Variants in MTM1 observed in about 807,000 individuals in gnomAD.
MTM1 encodes the protein myotubularin 1.
MTM1 carries 9 observed loss-of-function variants against 52.1 expected under a neutral mutation model. That is an observed-to-expected ratio of 0.17 (90% confidence interval 0.10 to 0.30). MTM1 has a LOEUF of 0.30. Ranked by LOEUF, MTM1 falls within the 10% of genes least tolerant of loss-of-function variation. MTM1 has a pLI of 1.00. For missense variants in MTM1, 277 were observed against 470.7 expected (o/e 0.59, Z 3.81); for synonymous variants, 136 against 163.8 (o/e 0.83, Z 1.29).
intron 4 of MTM1, among the ~76,000 whole-genome samples, chrX:150,607,409 CA>C (rs2039188224): frequency 1.8e-5 from 2 of 111,943 alleles, no homozygotes; most frequent in South Asian, 7.4e-4. Flanking sequence ...ATGCTGCTTC[CA>C]CTTCCGTACT....
intron 1 of MTM1, among the ~76,000 whole-genome samples, chrX:150,581,096 G>T (rs1237324278): frequency 4.5e-5 from 5 of 111,642 alleles, no homozygotes; most frequent in Non-Finnish European, 9.4e-5. Context: ...ATCCTCAAAG[G>T]CTCTAGGCCA....
upstream of MTM1, among the ~76,000 whole-genome samples, chrX:150,564,917 A>C (rs782670650): frequency 5.4e-5 from 6 of 111,842 alleles, no homozygotes; most frequent in South Asian, 1.1e-3. Flanking sequence ...GCTGCTTTGC[A>C]GTTCTCCTAG....
Position 150,614,590 on chromosome X carries a change from A to T in MTM1, c.233A>T (p.Asp78Val), listed in dbSNP as rs782215492. 4 of 1,153,400 alleles carry T rather than the reference A, an allele frequency of 3.5e-6. No homozygotes were observed. The highest frequency in any genetic ancestry group is 2.2e-5 in the Admixed American group (1 of 45,520). Residue 78 changes from aspartate (D) to valine (V), a missense_variant and splice_region_variant, in exon 5 of 15, where the codon GAT (aspartate) becomes GTT (valine). By Grantham distance (152) the Asp-to-Val change is radical. This residue lies in a region of MTM1 where 164 missense variants were observed against 283.3 expected (regional missense o/e 0.58). Transcript: ENST00000370396. ...CTACTGTATTTTTGTCCATTACAGG[A>T]TTCTTCTCTAATACTTGATGTTCCT... ...YRLYLRSLET[D>V]SSLILDVPLG...
intron 6 of MTM1, among the ~76,000 whole-genome samples, chrX:150,626,968 C>G (rs1423246010): frequency 1.8e-5 from 2 of 111,421 alleles, no homozygotes; most frequent in Non-Finnish European, 3.8e-5. Context: ...TCGTTGATCT[C>G]TCTGTCTCCA....
intron 5 of MTM1, among the ~76,000 whole-genome samples, chrX:150,618,255 A>G (rs1226444691): frequency 1.8e-5 from 2 of 112,298 alleles, no homozygotes; most frequent in South Asian, 7.4e-4. Context: ...TCATTTAGGA[A>G]GAGAGCTTCT....
chrX:150,635,788 A>G (rs1187036619), intron 6 of MTM1, among the ~76,000 whole-genome samples: 3 of 112,247 alleles, frequency 2.7e-5, no homozygotes, highest in African/African-American at 9.7e-5. Context: ...ACTTCAATTG[A>G]GCCAAGTAGC....
intron 13 of MTM1, among the ~76,000 whole-genome samples, chrX:150,662,619 C>T (rs1207765327): frequency 7.1e-5 from 8 of 112,201 alleles, no homozygotes; most frequent in Non-Finnish European, 9.4e-5. Flanking sequence ...CCACCACACC[C>T]GGCCACGAAA....
At chrX:150,665,907 G>A (rs1293686098) in intron 14 of MTM1, among the ~76,000 whole-genome samples, 3 of 112,001 alleles carry the variant, frequency 2.7e-5, no homozygotes, top group Middle Eastern at 4.6e-3. Context: ...ACCATCATAC[G>A]GTACTCTAGG....
intron 1 of MTM1, among the ~76,000 whole-genome samples, chrX:150,583,897 G>T (rs782665398): frequency 1.1e-4 from 4 of 37,354 alleles, no homozygotes; most frequent in Non-Finnish European, 1.5e-4. Flanking sequence ...ATATATATTT[G>T]ATATATATAT....
Position 150,671,958 on chromosome X carries a change from G to A in MTM1, c.*363G>A, listed in dbSNP as rs1397324797. On this transcript the variant is annotated 3_prime_UTR_variant, in exon 15 of 15. Coordinates refer to ENST00000370396, the MANE Select transcript of MTM1 (RefSeq NM_000252.3). ...TTAAAATCAAAGGGGATATATGTTT[G>A]TGGAATGGATTTTCCTGAAGCTGCT... 1 of 179,791 alleles carries A rather than the reference G, an allele frequency of 5.6e-6. No individual in the cohort carries two copies. The highest frequency in any genetic ancestry group is 1.0e-5 in the Non-Finnish European group (1 of 97,342). 14.8% of individuals were successfully genotyped at this position (179,791 alleles called of 1,213,427 possible). A position where few individuals can be genotyped will look rare whatever the true frequency, so the allele number is the denominator to read the frequency against.
chrX:150,644,805 A>G (rs782206099), intron 8 of MTM1, among the ~76,000 whole-genome samples: 61 of 110,693 alleles, frequency 5.5e-4, no homozygotes, highest in African/African-American at 1.9e-3. Flanking sequence ...GAAGCCAGAG[A>G]AGCTGCGAGT....
At chrX:150,573,637 G>A (rs2038416671) in intron 1 of MTM1, among the ~76,000 whole-genome samples, 1 of 112,014 alleles carries the variant, frequency 8.9e-6, no homozygotes, top group Non-Finnish European at 1.9e-5. Flanking sequence ...CTTCTTGGGA[G>A]ATGTAGAGGC....
intron 3 of MTM1, among the ~76,000 whole-genome samples, chrX:150,597,204 A>G (rs1484094314): frequency 8.9e-6 from 1 of 112,130 alleles, no homozygotes; most frequent in African/African-American, 3.2e-5. Flanking sequence ...TCAGACTTCA[A>G]TGTATTTGAA....
At chrX:150,607,208 G>A (rs1202224342) in intron 4 of MTM1, among the ~76,000 whole-genome samples, 1 of 109,541 alleles carries the variant, frequency 9.1e-6, no homozygotes, top group Non-Finnish European at 1.9e-5. Flanking sequence ...GGCTGGTCTC[G>A]GACTCCTGAC....
intron 4 of MTM1, among the ~76,000 whole-genome samples, chrX:150,607,550 C>G (rs369477593): frequency 2.0e-4 from 22 of 111,891 alleles, no homozygotes; most frequent in African/African-American, 6.5e-4. Flanking sequence ...GTTGACTGCT[C>G]CTTCCTTTAT....
intron 1 of MTM1, among the ~76,000 whole-genome samples, chrX:150,573,799 G>A (rs782325811): frequency 3.6e-5 from 4 of 112,072 alleles, no homozygotes; most frequent in African/African-American, 1.3e-4. Context: ...CCTGGAATTG[G>A]CCCAAGCTCT....
intron 6 of MTM1, among the ~76,000 whole-genome samples, chrX:150,634,444 G>A (rs189761224): frequency 1.8e-5 from 2 of 112,352 alleles, no homozygotes; most frequent in South Asian, 3.7e-4. Flanking sequence ...AAGTTACAAT[G>A]ATAAATGTAG....
At chrX:150,603,876 A>G (rs1176756352) in intron 4 of MTM1, among the ~76,000 whole-genome samples, 2 of 111,786 alleles carry the variant, frequency 1.8e-5, no homozygotes, top group African/African-American at 3.3e-5. Context: ...ACACTTTTCC[A>G]TGGTGCGGAG....
At chrX:150,583,441 TTATA>T (rs1174086859) in intron 1 of MTM1, among the ~76,000 whole-genome samples, 1 of 31,808 alleles carries the variant, frequency 3.1e-5, no homozygotes, top group Non-Finnish European at 4.9e-5. Flanking sequence ...TATATAAAAA[TTATA>T]TATATTATAT....
Sources: allele counts gnomAD v4.1 joint callset (sites outside exome capture counted in the v4.1 genomes callset), GRCh38; gene constraint gnomAD v4.1.1; regional missense constraint gnomAD v4.1.1; transcripts MANE v1.5; gene names NCBI Gene and HGNC (gene_info 2026-07-23, HGNC 2026-07-21).